KCNQ5: variants seen among roughly 807,000 people sequenced by gnomAD.
KCNQ5 encodes potassium voltage-gated channel subfamily Q member 5, also known as potassium voltage-gated channel subfamily KQT member 5.
KCNQ5 carries 30 observed loss-of-function variants against 98.2 expected under a neutral mutation model. The ratio of observed to expected loss-of-function variants is 0.31; its 90% CI spans 0.23 to 0.41. KCNQ5 has a LOEUF of 0.41. KCNQ5 is among the 10% of genes least tolerant of loss of function. KCNQ5 has a pLI of 1.00. For missense variants in KCNQ5, 835 were observed against 1,182.5 expected, an observed-to-expected ratio of 0.71 and a Z score of 4.31; for synonymous variants, 458 against 449.4, an observed-to-expected ratio of 1.02 and a Z score of -0.24.
intron 1 of KCNQ5, among the ~76,000 whole-genome samples, chr6:72,694,262 G>T (rs373732904): frequency 1.3e-5 from 2 of 152,116 alleles, no homozygotes; most frequent in African/African-American, 4.8e-5. Flanking sequence ...CTTAGAAGGG[G>T]CCCTCAGAGA....
chr6:73,152,449 C>T (rs1392212337), intron 10 of KCNQ5, among the ~76,000 whole-genome samples: 10 of 151,820 alleles, frequency 6.6e-5, no homozygotes, highest in African/African-American at 2.4e-4. Flanking sequence ...TTCTAAGGTC[C>T]TTTGTTTTTG....
rs368547929 is a variant in KCNQ5, at chr6:72,699,258, A to C, written c.398+76671A>C. On this transcript the variant is annotated intron_variant, in intron 1 of 13. Transcript: ENST00000370398. ...AATAGCTTTTATGGAAAGGGAAGTG[A>C]AAATATTTTTCTGTAGTCTGCTTTG... is the stretch of plus-strand genomic sequence containing the variant. Among the ~76,000 whole-genome samples the C allele has an allele frequency of 6.6e-5, 10 of 152,302 alleles. No homozygotes were observed. The South Asian group carries it at 2.1e-3, about 32-fold the overall frequency.
chr6:72,731,975 A>G (rs1404790079), intron 1 of KCNQ5, among the ~76,000 whole-genome samples: 1 of 152,250 alleles, frequency 6.6e-6, no homozygotes, highest in Non-Finnish European at 1.5e-5. Flanking sequence ...AGTGCTCAGA[A>G]AAACCTGAGC....
At chr6:72,881,926 G>C (rs1318955095) in intron 1 of KCNQ5, among the ~76,000 whole-genome samples, 1 of 152,128 alleles carries the variant, frequency 6.6e-6, no homozygotes, top group East Asian at 1.9e-4. Flanking sequence ...CCTGACATCA[G>C]GTGATCTGCC....
chr6:72,964,491 CATT>C (rs1269797362), intron 1 of KCNQ5, among the ~76,000 whole-genome samples: 16 of 152,134 alleles, frequency 1.1e-4, no homozygotes, highest in Admixed American at 1.0e-3. Flanking sequence ...TACAGAAAGA[CATT>C]ATTTGTATAT....
intron 1 of KCNQ5, among the ~76,000 whole-genome samples, chr6:72,655,045 T>C (rs563442184): frequency 0.035 from 5,056 of 145,134 alleles, 383 homozygotes; most frequent in African/African-American, 0.12. Context: ...TCTTTCTTTC[T>C]TTCTTTCTTT....
intron 1 of KCNQ5, among the ~76,000 whole-genome samples, chr6:72,948,611 C>T (rs748873927): frequency 6.6e-6 from 1 of 151,882 alleles, no homozygotes; most frequent in African/African-American, 2.4e-5. Context: ...AACCTATACC[C>T]AAGTAATGTA....
chr6:73,176,234 G>A (rs1373329760), intron 11 of KCNQ5, among the ~76,000 whole-genome samples: 1 of 152,176 alleles, frequency 6.6e-6, no homozygotes, highest in Non-Finnish European at 1.5e-5. Context: ...TGGATCATGG[G>A]GGCGGATTTC....
chr6:73,008,315 G>C (rs2150327114), intron 2 of KCNQ5, among the ~76,000 whole-genome samples: 1 of 152,134 alleles, frequency 6.6e-6, no homozygotes, highest in African/African-American at 2.4e-5. Context: ...GACAGAGATT[G>C]GCAGAATTGA....
intron 1 of KCNQ5, among the ~76,000 whole-genome samples, chr6:72,684,886 C>G (rs997614719): frequency 2.6e-5 from 4 of 151,706 alleles, no homozygotes; most frequent in Admixed American, 2.6e-4. Flanking sequence ...GCGTGTGTGT[C>G]TGTCTGTGTA....
intron 5 of KCNQ5, among the ~76,000 whole-genome samples, chr6:73,088,952 C>G (rs1774113194): frequency 6.6e-6 from 1 of 152,180 alleles, no homozygotes; most frequent in South Asian, 2.1e-4. Context: ...CTATTTCAAT[C>G]TCTCCTGTAC....
chr6:72,822,369 A>C (rs1007001961), intron 1 of KCNQ5, among the ~76,000 whole-genome samples: 9 of 152,186 alleles, frequency 5.9e-5, no homozygotes, highest in Non-Finnish European at 1.2e-4. Context: ...ACACTTAGGG[A>C]TTTACTAACT....
At chr6:72,772,675 A>C (rs1305970779) in intron 1 of KCNQ5, among the ~76,000 whole-genome samples, 1 of 152,188 alleles carries the variant, frequency 6.6e-6, no homozygotes, top group Non-Finnish European at 1.5e-5. Context: ...CACAAGATGT[A>C]TTGAAGGGCT....
At chr6:72,628,612 T>G (rs1306046298) in intron 1 of KCNQ5, among the ~76,000 whole-genome samples, 1 of 152,136 alleles carries the variant, frequency 6.6e-6, no homozygotes, top group Non-Finnish European at 1.5e-5. Context: ...CTTTCTTTCT[T>G]TCTTTTTGTT....
chr6:72,973,056 T>C (rs1767980448), intron 1 of KCNQ5, among the ~76,000 whole-genome samples: 2 of 152,268 alleles, frequency 1.3e-5, no homozygotes, highest in South Asian at 4.2e-4. Flanking sequence ...TAAATCAAAC[T>C]GAAAAGGAAA....
chr6:72,810,268 A>G (rs1452777972), intron 1 of KCNQ5, among the ~76,000 whole-genome samples: 1 of 152,172 alleles, frequency 6.6e-6, no homozygotes, highest in Non-Finnish European at 1.5e-5. Context: ...TTTGTTACTC[A>G]CTCTAGGAGA....
intron 9 of KCNQ5, among the ~76,000 whole-genome samples, chr6:73,127,784 C>A (rs1440958623): frequency 1.3e-5 from 2 of 152,190 alleles, no homozygotes; most frequent in Non-Finnish European, 2.9e-5. Context: ...ATACAATGGC[C>A]AAGTGCAGTG....
intron 1 of KCNQ5, among the ~76,000 whole-genome samples, chr6:72,801,766 G>A (rs996893622): frequency 3.3e-5 from 5 of 152,054 alleles, no homozygotes; most frequent in Non-Finnish European, 5.9e-5. Flanking sequence ...GGCTGGTACC[G>A]GTTGTTCCTT....
chr6:72,623,254 T>C (rs890810933), intron 1 of KCNQ5, among the ~76,000 whole-genome samples: 1 of 152,160 alleles, frequency 6.6e-6, no homozygotes, highest in African/African-American at 2.4e-5. Context: ...GCTCCCGCGC[T>C]GCAGGGGGCG....
Sources: gnomAD v4.1 joint callset for allele counts (sites outside exome capture counted in the v4.1 genomes callset) on GRCh38, gnomAD v4.1.1 for gene constraint, MANE v1.5 for transcripts, NCBI Gene and HGNC (gene_info 2026-07-23, HGNC 2026-07-21) for gene names.